Variants in ENY2 observed in about 807,000 individuals in gnomAD.
The protein encoded by ENY2 is ENY2 transcription and export complex 2 subunit.
Under a neutral mutation model 15.9 loss-of-function variants are expected in ENY2, and 4 were observed. That is an observed-to-expected ratio of 0.25 (90% confidence interval 0.12 to 0.57). ENY2 has a LOEUF of 0.57. Ranked by LOEUF, ENY2 falls within the 20% of genes least tolerant of loss-of-function variation. The probability of loss-of-function intolerance (pLI) is 0.91; values close to 1 mark genes in which losing one functional copy is unlikely to be tolerated. For missense variants in ENY2, 54 were observed against 117.2 expected, an observed-to-expected ratio of 0.46 and a Z score of 2.49; for synonymous variants, 48 against 38.0, an observed-to-expected ratio of 1.26 and a Z score of -0.97.
intron 3 of ENY2, chr8:109,339,892 A>G (rs1162289935): frequency 2.6e-5 from 4 of 155,248 alleles, no homozygotes; most frequent in African/African-American, 9.6e-5. Flanking sequence ...TTTTGATATA[A>G]TGGAACTCTG....
intron 4 of ENY2, chr8:109,342,649 A>G (rs924081808): frequency 4.4e-6 from 3 of 689,604 alleles, no homozygotes; most frequent in Non-Finnish European, 7.9e-6. Flanking sequence ...CTGAGACCAC[A>G]GACACACACC....
In ENY2 at chr8:109,344,580, C is replaced by T. The variant is rs537692871; in HGVS notation, c.*1099C>T. 6.6e-6 allele frequency: 1 copy of T among 152,298 alleles called. No individual in the cohort carries two copies. The highest frequency in any genetic ancestry group is 1.9e-4 in the East Asian group (1 of 5,188). 9.4% of individuals were successfully genotyped at this position (152,298 alleles called of 1,614,324 possible). On this transcript the variant is annotated 3_prime_UTR_variant, in exon 5 of 5. Coordinates refer to ENST00000521688, the MANE Select transcript of ENY2 (RefSeq NM_020189.6). Reference sequence around the variant, plus strand: ...TAATGACTTTTTCCCCCAATAATTGCCCCTGCTATATTCCTTATTTCTGAA... The same window carrying T: ...TAATGACTTTTTCCCCCAATAATTGTCCCTGCTATATTCCTTATTTCTGAA...
In ENY2 at chr8:109,345,903, A is replaced by T. The variant is rs978838928; in HGVS notation, c.*2422A>T. The T allele has an allele frequency of 1.3e-5, 2 of 152,128 alleles. No homozygotes were observed. Among genetic ancestry groups the T allele is most frequent in the Non-Finnish European group, 2.9e-5 (2 of 68,008 alleles). 9.4% of individuals were successfully genotyped at this position (152,128 alleles called of 1,614,324 possible). On this transcript the variant is annotated 3_prime_UTR_variant, in exon 5 of 5. Transcript: ENST00000521688. ...CTTTGACAACTTACAAATGTTCTCT[A>T]GTTTGTATCTAGAATCACTTATATC...
chr8:109,345,473 AG>A lies in ENY2; in HGVS notation c.*1993del, dbSNP rs1394124379. On this transcript the variant is annotated 3_prime_UTR_variant, in exon 5 of 5. Coordinates refer to ENST00000521688, the MANE Select transcript of ENY2 (RefSeq NM_020189.6). Reference sequence around the variant, plus strand: ...GAACCAGCTGGGCTTAATTATGTAAAGTTTTGAGCCTGAGATAAGCACACAA... The same window carrying A: ...GAACCAGCTGGGCTTAATTATGTAAATTTTGAGCCTGAGATAAGCACACAA... 6.6e-6 allele frequency: 1 copy of A among 152,174 alleles called. No individual in the cohort carries two copies. The highest frequency in any genetic ancestry group is 2.4e-5 in the African/African-American group (1 of 41,448). The allele number at this position is 152,174 out of a possible 1,614,324, so 9.4% of individuals were successfully genotyped here. A position where few individuals can be genotyped will look rare whatever the true frequency, so the allele number is the denominator to read the frequency against.
intron 4 of ENY2, among the ~76,000 whole-genome samples, chr8:109,341,842 A>G (rs1181455834): frequency 2.0e-5 from 3 of 152,210 alleles, no homozygotes; most frequent in Non-Finnish European, 4.4e-5. Flanking sequence ...CAGAACAAAC[A>G]GTTCCCTCAC....
chr8:109,334,374 G>T lies in ENY2; in HGVS notation c.-95G>T. On this transcript the variant is annotated 5_prime_UTR_variant, in exon 1 of 5. Coordinates refer to ENST00000521688, the MANE Select transcript of ENY2 (RefSeq NM_020189.6). ...GTGCTTAGGTGCCCGAGCTACTGAG[G>T]GTCTAAGTCCGGGCAGCCGAAGAGT... is the stretch of plus-strand genomic sequence containing the variant. The T allele has an allele frequency of 1.9e-6, 3 of 1,574,896 alleles. No homozygotes were observed. Among genetic ancestry groups the T allele is most frequent in the Non-Finnish European group, 2.6e-6 (3 of 1,149,676 alleles).
At position 109,345,403 on chromosome 8, in the gene ENY2, C is replaced by T. The variant is rs553346858; in HGVS notation, c.*1922C>T. On this transcript the variant is annotated 3_prime_UTR_variant, in exon 5 of 5. Transcript: ENST00000521688. ...AAAGGATTCAAATTGATCTTTGGTT[C>T]GAGAGACAATTTCATCTTTCTGATG... The T allele has an allele frequency of 7.9e-5, 12 of 152,178 alleles. No homozygotes were observed. Among genetic ancestry groups the T allele is most frequent in the East Asian group, 7.7e-4 (4 of 5,180 alleles). The allele number at this position is 152,178 out of a possible 1,614,324, so 9.4% of individuals were successfully genotyped here. A position where few individuals can be genotyped will look rare whatever the true frequency, so the allele number is the denominator to read the frequency against.
At chr8:109,337,921 A>C (rs1333251676) in intron 2 of ENY2, among the ~76,000 whole-genome samples, 1 of 151,526 alleles carries the variant, frequency 6.6e-6, no homozygotes, top group Non-Finnish European at 1.5e-5. Context: ...AATCAGAAGG[A>C]TATGAGGGTG....
chr8:109,343,061 A>G (rs1816157952), intron 4 of ENY2, among the ~76,000 whole-genome samples: 2 of 152,124 alleles, frequency 1.3e-5, no homozygotes, highest in Non-Finnish European at 2.9e-5. Flanking sequence ...GGCCTTGCTT[A>G]TGGTGATTTT....
intron 3 of ENY2, 50 bp downstream of exon 3, chr8:109,339,440 A>G: frequency 1.9e-6 from 3 of 1,546,588 alleles, no homozygotes; most frequent in Non-Finnish European, 2.7e-6. Context: ...TCTGATCAGG[A>G]TTGGTTTGGG....
In ENY2 at chr8:109,344,236, A is replaced by G. The variant is rs1429382449; in HGVS notation, c.*755A>G. ...AATGTTGACCATCCTGCCACTTGGA[A>G]CTCTCTTCCCACTCCTCACATTGCT... On this transcript the variant is annotated 3_prime_UTR_variant, in exon 5 of 5. Coordinates refer to ENST00000521688, the MANE Select transcript of ENY2 (RefSeq NM_020189.6). 6.6e-6 allele frequency: 1 copy of G among 151,828 alleles called. No individual in the cohort carries two copies. Among genetic ancestry groups the G allele is most frequent in the Non-Finnish European group, 1.5e-5 (1 of 68,016 alleles). 9.4% of individuals were successfully genotyped at this position (151,828 alleles called of 1,614,324 possible).
chr8:109,334,685 A>G (rs573363727), intron 1 of ENY2: 60 of 579,176 alleles, frequency 1.0e-4, no homozygotes, highest in East Asian at 3.2e-4. Context: ...GCCCTGTTCT[A>G]TTTTCCCTAA....
intron 4 of ENY2, 39 bp from the exon 5 acceptor site, chr8:109,343,366 G>T: frequency 6.6e-7 from 1 of 1,508,084 alleles, no homozygotes; most frequent in Non-Finnish European, 9.1e-7. Context: ...GTATTAATTG[G>T]TACCTTCTTA....
At chr8:109,338,953 G>T (rs1175369535) in intron 2 of ENY2, 4 of 183,624 alleles carry the variant, frequency 2.2e-5, no homozygotes, top group Non-Finnish European at 4.5e-5. Flanking sequence ...ATTTCGAGGT[G>T]CAGCTGCTCC....
At chr8:109,334,559 G>C in intron 1 of ENY2, 85 bp downstream of exon 1, 2 of 1,492,296 alleles carry the variant, frequency 1.3e-6, no homozygotes, top group South Asian at 1.3e-5. Context: ...TAGCGTCCCC[G>C]ACCCGCGCTC....
chr8:109,338,738 G>A (rs2130188585), intron 2 of ENY2: 1 of 152,192 alleles, frequency 6.6e-6, no homozygotes, highest in South Asian at 2.1e-4. Flanking sequence ...AAACACTGGG[G>A]GCATGCCAAT....
chr8:109,334,882 C>A, intron 1 of ENY2: 2 of 178,380 alleles, frequency 1.1e-5, no homozygotes, highest in Non-Finnish European at 1.2e-5. Context: ...TGTTAGCCTC[C>A]AATTACAAAA....
At chr8:109,340,367 G>A in intron 3 of ENY2, 122 bp from the exon 4 acceptor site, 3 of 1,408,180 alleles carry the variant, frequency 2.1e-6, no homozygotes, top group Non-Finnish European at 2.9e-6. Context: ...AATTTTCAGT[G>A]TCCTTTTTTT....
intron 4 of ENY2, 90 bp downstream of exon 4, chr8:109,340,653 A>G: frequency 1.3e-6 from 2 of 1,534,204 alleles, no homozygotes; most frequent in Non-Finnish European, 1.8e-6. Context: ...TTCTGTTTTT[A>G]AGGAAAAGCA....
Sources: allele counts gnomAD v4.1 joint callset (sites outside exome capture counted in the v4.1 genomes callset), GRCh38; gene constraint gnomAD v4.1.1; transcripts MANE v1.5; gene names NCBI Gene and HGNC (gene_info 2026-07-23, HGNC 2026-07-21).